Variants in GPC3 observed in about 807,000 individuals in gnomAD.
The protein encoded by GPC3 is glypican-3.
GPC3 carries 3 observed loss-of-function variants against 34.4 expected under a neutral mutation model. The ratio of observed to expected loss-of-function variants is 0.09; its 90% CI spans 0.04 to 0.23. The LOEUF is 0.23. Among genes scored for constraint, GPC3 ranks in the 10% least tolerant of loss-of-function variants. The pLI, the probability that GPC3 is intolerant of heterozygous loss-of-function variation, is 1.00. For synonymous variants in GPC3, 177 were observed against 174.0 expected (o/e 1.02, Z -0.13); for missense variants, 351 against 445.6 (o/e 0.79, Z 1.91).
chrX:133,821,560 T>C (rs1476174475), intron 2 of GPC3, among the ~76,000 whole-genome samples: 1 of 111,989 alleles, frequency 8.9e-6, no homozygotes, highest in East Asian at 2.8e-4. Flanking sequence ...TTCGGAACAC[T>C]TGAAATGGAG....
chrX:133,550,089 C>T (rs1265324490), intron 7 of GPC3, among the ~76,000 whole-genome samples: 2 of 106,804 alleles, frequency 1.9e-5, no homozygotes, highest in Non-Finnish European at 3.9e-5. Flanking sequence ...GATCTCGGCT[C>T]ATTGCAACCT....
intron 2 of GPC3, among the ~76,000 whole-genome samples, chrX:133,880,090 G>C (rs945407990): frequency 2.7e-5 from 3 of 111,522 alleles, no homozygotes; most frequent in Non-Finnish European, 5.6e-5. Context: ...ATCTGAGAGA[G>C]AAAAAATAAA....
intron 2 of GPC3, among the ~76,000 whole-genome samples, chrX:133,898,407 T>G (rs1256485308): frequency 8.9e-6 from 1 of 112,334 alleles, no homozygotes; most frequent in Non-Finnish European, 1.9e-5. Flanking sequence ...TCTGTCTTCC[T>G]TCAGATGAAG....
intron 2 of GPC3, among the ~76,000 whole-genome samples, chrX:133,798,122 A>G (rs1603249671): frequency 8.9e-6 from 1 of 111,890 alleles, no homozygotes; most frequent in African/African-American, 3.3e-5. Flanking sequence ...ACACATTAAG[A>G]TTTTATATTT....
At chrX:133,816,755 G>A (rs1256648326) in intron 2 of GPC3, among the ~76,000 whole-genome samples, 3 of 109,276 alleles carry the variant, frequency 2.7e-5, no homozygotes, top group East Asian at 5.9e-4. Flanking sequence ...AGTCAAAGAA[G>A]TTGATGTGAC....
At chrX:133,714,498 CT>C (rs1212488781) in intron 3 of GPC3, among the ~76,000 whole-genome samples, 1 of 110,736 alleles carries the variant, frequency 9.0e-6, no homozygotes, top group Non-Finnish European at 1.9e-5. Context: ...TCCTGTATAG[CT>C]TTTAAGAATG....
At chrX:133,776,150 T>C (rs768124548) in intron 2 of GPC3, among the ~76,000 whole-genome samples, 1 of 112,148 alleles carries the variant, frequency 8.9e-6, no homozygotes, top group South Asian at 3.7e-4. Context: ...ATTCTAAATA[T>C]ATCTTTCTAA....
At chrX:133,788,892 T>A (rs971843562) in intron 2 of GPC3, among the ~76,000 whole-genome samples, 2 of 110,552 alleles carry the variant, frequency 1.8e-5, no homozygotes, top group Non-Finnish European at 3.8e-5. Context: ...TGCCCAAGGT[T>A]ACACAGCCTA....
At chrX:133,654,033 A>G (rs2070627040) in intron 6 of GPC3, among the ~76,000 whole-genome samples, 1 of 111,874 alleles carries the variant, frequency 8.9e-6, no homozygotes, top group African/African-American at 3.3e-5. Context: ...TCCTGCACTT[A>G]TATAATTCTG....
chrX:133,688,487 G>A (rs1204573388), intron 5 of GPC3, among the ~76,000 whole-genome samples: 1 of 111,759 alleles, frequency 8.9e-6, no homozygotes, highest in Non-Finnish European at 1.9e-5. Context: ...CTTATTCAGA[G>A]AGATAAGGAA....
At chrX:133,647,447 C>T (rs1220738272) in intron 6 of GPC3, among the ~76,000 whole-genome samples, 1 of 112,460 alleles carries the variant, frequency 8.9e-6, no homozygotes, top group Admixed American at 9.4e-5. Context: ...AATGTCAGGT[C>T]AGCTCCTTGT....
intron 2 of GPC3, among the ~76,000 whole-genome samples, chrX:133,877,988 C>A (rs902117450): frequency 9.0e-6 from 1 of 110,765 alleles, no homozygotes; most frequent in Non-Finnish European, 1.9e-5. Context: ...TCTGCATTTT[C>A]AAATTTTCTT....
chrX:133,714,851 T>C (rs962844588), intron 3 of GPC3, among the ~76,000 whole-genome samples: 1 of 111,792 alleles, frequency 8.9e-6, no homozygotes, highest in African/African-American at 3.3e-5. Context: ...CCTATTCTCA[T>C]TCCTCCTCTC....
chrX:133,624,672 C>T (rs1366703169), intron 6 of GPC3, among the ~76,000 whole-genome samples: 1 of 111,079 alleles, frequency 9.0e-6, no homozygotes, highest in Non-Finnish European at 1.9e-5. Context: ...TAATTAATAG[C>T]CTACCAACCA....
chrX:133,944,293 G>A (rs977479165), intron 2 of GPC3, among the ~76,000 whole-genome samples: 5 of 111,908 alleles, frequency 4.5e-5, no homozygotes. Context: ...GAAAAGCACA[G>A]GTTCCCAGGA....
intron 6 of GPC3, among the ~76,000 whole-genome samples, chrX:133,613,146 A>C (rs956482503): frequency 8.9e-6 from 1 of 112,319 alleles, no homozygotes; most frequent in Non-Finnish European, 1.9e-5. Flanking sequence ...AGAACATGTA[A>C]AATAAACCTG....
chrX:133,892,424 A>G (rs1309634097), intron 2 of GPC3, among the ~76,000 whole-genome samples: 1 of 110,701 alleles, frequency 9.0e-6, no homozygotes, highest in Non-Finnish European at 1.9e-5. Context: ...AAGACCCATC[A>G]TTGCTCAGCA....
intron 7 of GPC3, among the ~76,000 whole-genome samples, chrX:133,554,987 T>C (rs2124281448): frequency 8.9e-6 from 1 of 112,728 alleles, no homozygotes; most frequent in South Asian, 3.7e-4. Flanking sequence ...TGGGCTCATA[T>C]GATCCTCCTG....
At chrX:133,704,007 G>C (rs1227274437) in intron 3 of GPC3, among the ~76,000 whole-genome samples, 1 of 112,129 alleles carries the variant, frequency 8.9e-6, no homozygotes, top group Non-Finnish European at 1.9e-5. Context: ...TTTTAAGAAA[G>C]TTTATGAATT....
Sources: allele counts gnomAD v4.1 joint callset (sites outside exome capture counted in the v4.1 genomes callset), GRCh38; gene constraint gnomAD v4.1.1; transcripts MANE v1.5; gene names NCBI Gene and HGNC (gene_info 2026-07-23, HGNC 2026-07-21).